SHISA9: variants seen among roughly 807,000 people sequenced by gnomAD.
SHISA9 encodes the protein protein shisa-9.
A neutral mutation model predicts 38.0 loss-of-function variants in SHISA9; 13 were observed. The ratio of observed to expected loss-of-function variants is 0.34; its 90% CI spans 0.22 to 0.54. The LOEUF is 0.54. SHISA9 is among the 20% of genes least tolerant of loss of function. SHISA9 has a pLI of 0.91. For missense variants in SHISA9, 538 were observed against 575.8 expected, an observed-to-expected ratio of 0.93 and a Z score of 0.67; for synonymous variants, 275 against 242.0, an observed-to-expected ratio of 1.14 and a Z score of -1.27.
intron 2 of SHISA9, among the ~76,000 whole-genome samples, chr16:12,995,886 C>T (rs929086163): frequency 1.7e-4 from 26 of 152,096 alleles, no homozygotes; most frequent in African/African-American, 2.7e-4. Flanking sequence ...GTGGTCACTC[C>T]GGCACATCAT....
intron 2 of SHISA9, among the ~76,000 whole-genome samples, chr16:13,066,915 C>G (rs1246188454): frequency 6.6e-6 from 1 of 152,194 alleles, no homozygotes; most frequent in African/African-American, 2.4e-5. Flanking sequence ...AAGTTTTGTT[C>G]TAAATGTCTG....
chr16:13,437,205 C>G, the SHISA9 span, among the ~76,000 whole-genome samples: 1 of 150,226 alleles, frequency 6.7e-6, no homozygotes, highest in Admixed American at 6.6e-5. Flanking sequence ...AGTTTTTACT[C>G]AAAAAAAAAT....
the SHISA9 span, among the ~76,000 whole-genome samples, chr16:13,371,202 C>G: frequency 6.6e-6 from 1 of 152,166 alleles, no homozygotes; most frequent in Non-Finnish European, 1.5e-5. Context: ...GGGATTTGAA[C>G]CTAGGAAGTC....
the SHISA9 span, among the ~76,000 whole-genome samples, chr16:13,533,298 G>C: frequency 6.6e-6 from 1 of 152,174 alleles, no homozygotes; most frequent in Non-Finnish European, 1.5e-5. Context: ...GCCACGTCTA[G>C]ATTAAACCCA....
intron 4 of SHISA9, among the ~76,000 whole-genome samples, chr16:13,213,516 C>G (rs192622967): frequency 1.3e-4 from 20 of 152,166 alleles, no homozygotes; most frequent in South Asian, 1.0e-3. Flanking sequence ...CGTGGTAGCC[C>G]TCACTTCCCA....
intron 2 of SHISA9, among the ~76,000 whole-genome samples, chr16:13,100,122 C>T (rs1421476079): frequency 6.6e-6 from 1 of 152,292 alleles, no homozygotes; most frequent in East Asian, 1.9e-4. Flanking sequence ...TCAGTGTCAC[C>T]ATAGCTGATT....
At chr16:12,953,340 A>G (rs970422206) in intron 2 of SHISA9, among the ~76,000 whole-genome samples, 4 of 152,180 alleles carry the variant, frequency 2.6e-5, no homozygotes, top group Admixed American at 1.3e-4. Flanking sequence ...ATTATTCTTC[A>G]TGACAATGCA....
intron 2 of SHISA9, among the ~76,000 whole-genome samples, chr16:13,110,275 T>A: frequency 6.6e-6 from 1 of 152,192 alleles, no homozygotes; most frequent in East Asian, 1.9e-4. Context: ...CTCCCATTCC[T>A]GCCACAGCCA....
chr16:13,484,685 A>G, the SHISA9 span, among the ~76,000 whole-genome samples: 2 of 152,248 alleles, frequency 1.3e-5, no homozygotes, highest in Admixed American at 6.5e-5. Flanking sequence ...TACAGGAAGC[A>G]TGGTTGGGGA....
chr16:13,552,155 G>C, the SHISA9 span, among the ~76,000 whole-genome samples: 5 of 152,214 alleles, frequency 3.3e-5, no homozygotes, highest in African/African-American at 9.6e-5. Context: ...TAAGATGCAG[G>C]CTTCTCCAGA....
At chr16:13,188,319 C>A (rs569428700) in intron 2 of SHISA9, among the ~76,000 whole-genome samples, 1 of 152,304 alleles carries the variant, frequency 6.6e-6, no homozygotes, top group East Asian at 1.9e-4. Context: ...AAAACATTTT[C>A]TTTTTCTCTT....
At chr16:13,121,883 A>G (rs977627869) in intron 2 of SHISA9, among the ~76,000 whole-genome samples, 7 of 140,044 alleles carry the variant, frequency 5.0e-5, no homozygotes, top group African/African-American at 1.1e-4. Flanking sequence ...ACACACACAC[A>G]GAACAGGCCT....
At chr16:13,387,592 C>T in the SHISA9 span, among the ~76,000 whole-genome samples, 13 of 151,778 alleles carry the variant, frequency 8.6e-5, no homozygotes, top group South Asian at 8.3e-4. Flanking sequence ...TGGGTTCAAA[C>T]GATTCTCCTG....
At chr16:13,054,702 G>C (rs1202042607) in intron 2 of SHISA9, among the ~76,000 whole-genome samples, 1 of 152,192 alleles carries the variant, frequency 6.6e-6, no homozygotes, top group Non-Finnish European at 1.5e-5. Context: ...GACTTGCCTA[G>C]AGGCAGATGC....
At chr16:12,963,230 A>C (rs1043194678) in intron 2 of SHISA9, among the ~76,000 whole-genome samples, 3 of 152,154 alleles carry the variant, frequency 2.0e-5, no homozygotes, top group Non-Finnish European at 4.4e-5. Flanking sequence ...TTGTGATGAG[A>C]TGAGTGGGAA....
chr16:13,053,978 G>A (rs771434351), intron 2 of SHISA9, among the ~76,000 whole-genome samples: 8 of 152,102 alleles, frequency 5.3e-5, no homozygotes, highest in Non-Finnish European at 8.8e-5. Context: ...GAGGAGTCTC[G>A]CCTCTTCTCT....
intron 2 of SHISA9, among the ~76,000 whole-genome samples, chr16:12,951,195 T>C (rs578219748): frequency 7.5e-5 from 8 of 107,310 alleles, no homozygotes; most frequent in African/African-American, 3.0e-4. Context: ...CACTCCAACC[T>C]GGGTGACAGA....
At chr16:13,274,275 T>C in the SHISA9 span, among the ~76,000 whole-genome samples, 2 of 152,214 alleles carry the variant, frequency 1.3e-5, no homozygotes, top group South Asian at 4.1e-4. Context: ...TGGCTCTCAG[T>C]CTCCTTACAT....
At chr16:13,114,179 G>A (rs72784470) in intron 2 of SHISA9, among the ~76,000 whole-genome samples, 13 of 152,004 alleles carry the variant, frequency 8.6e-5, no homozygotes, top group South Asian at 8.3e-4. Flanking sequence ...AAAATAATAC[G>A]AAAAAGGCTG....
Sources: allele counts gnomAD v4.1 joint callset (sites outside exome capture counted in the v4.1 genomes callset), GRCh38; gene constraint gnomAD v4.1.1; transcripts MANE v1.5; gene names NCBI Gene and HGNC (gene_info 2026-07-23, HGNC 2026-07-21).